Variants in SNX16 observed in about 807,000 individuals in gnomAD.
SNX16 encodes the protein sorting nexin-16.
Under a neutral mutation model 36.7 loss-of-function variants are expected in SNX16, and 35 were observed. That is an observed-to-expected ratio of 0.95 (90% confidence interval 0.73 to 1.27). The LOEUF (loss-of-function observed/expected upper bound fraction) is 1.27, where lower values mean the gene tolerates loss of function less well. Ranked by LOEUF, SNX16 falls within the 50% of genes most tolerant of loss-of-function variation. The probability of loss-of-function intolerance (pLI) is 0.00; values close to 1 mark genes in which losing one functional copy is unlikely to be tolerated. For synonymous variants in SNX16, 134 were observed against 132.0 expected, an observed-to-expected ratio of 1.02 and a Z score of -0.10; for missense variants, 367 against 393.6, an observed-to-expected ratio of 0.93 and a Z score of 0.57.
At chr8:81,808,697 G>A (rs535016976) in intron 5 of SNX16, 6 of 1,073,328 alleles carry the variant, frequency 5.6e-6, no homozygotes, top group African/African-American at 4.6e-5. Flanking sequence ...GCGGTTCCAG[G>A]AGCAGCCGTA....
At position 81,831,515 on chromosome 8, in the gene SNX16, T is replaced by C. The variant is rs555451016; in HGVS notation, c.376-1999A>G. Among the ~76,000 whole-genome samples, 258 of 151,702 alleles carry C rather than the reference T, an allele frequency of 1.7e-3. 1 individual carries two copies. Among genetic ancestry groups the C allele is most frequent in the African/African-American group, 5.9e-3 (246 of 41,372 alleles). ...TGAGACCAGCCTGGTCAACATGGTA[T>C]GGTGAAACCCCGCCTCTACTAAAAA... On this transcript the variant is annotated intron_variant, in intron 2 of 7. Coordinates refer to ENST00000345957, the MANE Select transcript of SNX16 (RefSeq NM_152836.3).
At chr8:81,808,209 G>A (rs1329578226) in intron 5 of SNX16, 8 of 1,324,754 alleles carry the variant, frequency 6.0e-6, no homozygotes, top group Non-Finnish European at 8.6e-6. Context: ...GCAAGAAAAG[G>A]GGCTTTGCCT....
At chr8:81,839,461 A>C (rs546380844) in intron 2 of SNX16, 151 bp downstream of exon 2, 5 of 819,444 alleles carry the variant, frequency 6.1e-6, no homozygotes, top group Non-Finnish European at 9.2e-6. Flanking sequence ...AGTTTACTAC[A>C]ACATGATAGA....
chr8:81,830,123 A>G (rs1444147614), intron 2 of SNX16, among the ~76,000 whole-genome samples: 1 of 152,222 alleles, frequency 6.6e-6, no homozygotes, highest in African/African-American at 2.4e-5. Context: ...TTAAAAATGA[A>G]TAGTATTTCC....
intron 2 of SNX16, among the ~76,000 whole-genome samples, chr8:81,831,591 G>A (rs775335256): frequency 1.2e-4 from 18 of 151,430 alleles, no homozygotes; most frequent in Non-Finnish European, 1.9e-4. Flanking sequence ...CCAGCTACTC[G>A]GGAGGCTGAG....
intron 2 of SNX16, among the ~76,000 whole-genome samples, chr8:81,834,701 A>C (rs1811416836): frequency 6.6e-6 from 1 of 152,030 alleles, no homozygotes; most frequent in Admixed American, 6.5e-5. Flanking sequence ...CTTTCCTTTG[A>C]CTCCATGTCT....
intron 2 of SNX16, among the ~76,000 whole-genome samples, chr8:81,836,531 C>A (rs1811503910): frequency 1.3e-5 from 2 of 152,182 alleles, no homozygotes. Flanking sequence ...CATATCTTCC[C>A]ATTGTTTAGG....
rs1459391092 is a variant in SNX16, at chr8:81,801,100, A to G, written c.*397T>C. ...TCATGTCAGAGATATAAAGAAGAAT[A>G]TATCACCCAGATAGTAACATGCAAT... On this transcript the variant is annotated 3_prime_UTR_variant, in exon 8 of 8. Transcript: ENST00000345957. 6.5e-6 allele frequency: 1 copy of G among 153,366 alleles called. No homozygotes were observed. The highest frequency in any genetic ancestry group is 2.4e-5 in the African/African-American group (1 of 41,490). The allele number at this position is 153,366 out of a possible 1,614,324, so 9.5% of individuals were successfully genotyped here. A position where few individuals can be genotyped will look rare whatever the true frequency, so the allele number is the denominator to read the frequency against.
At chr8:81,837,351 T>A (rs558742609) in intron 2 of SNX16, among the ~76,000 whole-genome samples, 1 of 152,342 alleles carries the variant, frequency 6.6e-6, no homozygotes, top group South Asian at 2.1e-4. Flanking sequence ...ATGCTTTACA[T>A]AACACCACCT....
intron 6 of SNX16, 108 bp downstream of exon 6, chr8:81,802,984 C>G: frequency 9.6e-7 from 1 of 1,047,046 alleles, no homozygotes; most frequent in Non-Finnish European, 1.3e-6. Context: ...AAGCCTACAA[C>G]TTTCAGAATC....
In SNX16 at chr8:81,822,966, A is replaced by ATATG. The variant is rs375630342; in HGVS notation, c.611+825_611+826insCATA. On this transcript the variant is annotated intron_variant, in intron 4 of 7. Coordinates refer to ENST00000345957, the MANE Select transcript of SNX16 (RefSeq NM_152836.3). The stretch of plus-strand genomic sequence containing the variant: ...CATATACATATATATATATATATAT[A>ATATG]TATATATATACACATATGTGTGTGT... 3.4e-3 allele frequency among the ~76,000 whole-genome samples: 427 copies of ATATG among 126,848 alleles called. 1 individual carries two copies. The highest frequency in any genetic ancestry group is 5.0e-3 in the African/African-American group (178 of 35,470). 83.2% of individuals were successfully genotyped at this position (126,848 alleles called of 152,430 possible).
At position 81,802,573 on chromosome 8, in the gene SNX16, T is replaced by C. The variant is rs1215092560; in HGVS notation, c.819-74A>G. Reference sequence around the variant, plus strand: ...ATATGTTTAATGTTGTGAATACAGGTAGCTATAGCAGTCTTTAGCTGTTAA... The same window carrying C: ...ATATGTTTAATGTTGTGAATACAGGCAGCTATAGCAGTCTTTAGCTGTTAA... On this transcript the variant is annotated intron_variant, in intron 6 of 7. Coordinates refer to ENST00000345957, the MANE Select transcript of SNX16 (RefSeq NM_152836.3). 5 of 1,324,340 alleles carry C rather than the reference T, an allele frequency of 3.8e-6. No individual in the cohort carries two copies. In the South Asian group the frequency reaches 5.5e-5, roughly 15 times the overall value. 82.0% of individuals were successfully genotyped at this position (1,324,340 alleles called of 1,614,324 possible).
chr8:81,801,453 T>G lies in SNX16; in HGVS notation c.*44A>C. ...TTTAAAATAGTATTTGCCACTCTTC[T>G]AAATTTTTGAATAGTCTAAATGGAG... On this transcript the variant is annotated 3_prime_UTR_variant, in exon 8 of 8. Transcript: ENST00000345957. The G allele has an allele frequency of 8.3e-7, 1 of 1,207,000 alleles. No individual in the cohort carries two copies. Among genetic ancestry groups the G allele is most frequent in the Non-Finnish European group, 1.2e-6 (1 of 852,658 alleles). The allele number at this position is 1,207,000 out of a possible 1,614,324, so 74.8% of individuals were successfully genotyped here.
chr8:81,808,057 C>A, intron 5 of SNX16: 1 of 999,310 alleles, frequency 1.0e-6, no homozygotes, highest in Non-Finnish European at 1.6e-6. Flanking sequence ...GGAAGATTCT[C>A]AAAGACCAGT....
chr8:81,819,971 C>A (rs1810660277), intron 4 of SNX16, among the ~76,000 whole-genome samples: 1 of 151,848 alleles, frequency 6.6e-6, no homozygotes, highest in African/African-American at 2.4e-5. Flanking sequence ...TTGTAAGGTG[C>A]TAAGGATACA....
chr8:81,821,743 G>A (rs554174350), intron 4 of SNX16, among the ~76,000 whole-genome samples: 81 of 151,386 alleles, frequency 5.4e-4, no homozygotes, highest in African/African-American at 1.9e-3. Flanking sequence ...AATATCAATA[G>A]TTATATCATT....
chr8:81,820,845 C>T (rs1228694858), intron 4 of SNX16, among the ~76,000 whole-genome samples: 2 of 151,776 alleles, frequency 1.3e-5, no homozygotes, highest in East Asian at 3.9e-4. Context: ...TATATCCCCT[C>T]TTTTATACCC....
intron 5 of SNX16, chr8:81,808,704 C>A (rs1161298802): frequency 1.8e-5 from 20 of 1,117,132 alleles, no homozygotes; most frequent in Middle Eastern, 2.4e-4. Context: ...CAGGAGCAGC[C>A]GTAGCTATGG....
intron 1 of SNX16, among the ~76,000 whole-genome samples, chr8:81,841,529 C>T (rs1290512175): frequency 6.6e-6 from 1 of 151,818 alleles, no homozygotes; most frequent in Non-Finnish European, 1.5e-5. Context: ...GCCTTTGCCA[C>T]TCTACTACCT....
Sources: allele counts gnomAD v4.1 joint callset (sites outside exome capture counted in the v4.1 genomes callset), GRCh38; gene constraint gnomAD v4.1.1; transcripts MANE v1.5; gene names NCBI Gene and HGNC (gene_info 2026-07-23, HGNC 2026-07-21).